Variants in CNTNAP3B observed in about 807,000 individuals in gnomAD.
CNTNAP3B encodes contactin-associated protein-like 3B.
CNTNAP3B carries 25 observed loss-of-function variants against 108.9 expected under a neutral mutation model. The ratio of observed to expected loss-of-function variants is 0.23; its 90% CI spans 0.17 to 0.32. The LOEUF (loss-of-function observed/expected upper bound fraction) is 0.32, where lower values mean the gene tolerates loss of function less well. Among genes scored for constraint, CNTNAP3B ranks in the 10% least tolerant of loss-of-function variants. The pLI is 1.00. For synonymous variants in CNTNAP3B, 103 were observed against 473.4 expected (o/e 0.22, Z 10.16); for missense variants, 252 against 1,210.4 (o/e 0.21, Z 11.75).
chr9:41,961,770 T>C (rs1780866794), intron 11 of CNTNAP3B, among the ~76,000 whole-genome samples: 1 of 152,302 alleles, frequency 6.6e-6, no homozygotes, highest in Non-Finnish European at 1.5e-5. Context: ...GAGAAACTTT[T>C]TTGAAAGATA....
At chr9:41,962,943 A>C (rs1244530858) in intron 11 of CNTNAP3B, among the ~76,000 whole-genome samples, 7 of 151,254 alleles carry the variant, frequency 4.6e-5, no homozygotes, top group Non-Finnish European at 1.0e-4. Flanking sequence ...CGACAGAGCA[A>C]GACTCCGTCT....
chr9:42,044,436 A>G (rs1350759593), intron 3 of CNTNAP3B, among the ~76,000 whole-genome samples: 2 of 144,006 alleles, frequency 1.4e-5, no homozygotes, highest in East Asian at 2.1e-4. Context: ...TTTTGGGCCT[A>G]CAAGCCTTTT....
chr9:42,117,613 G>A (rs1430529156), intron 1 of CNTNAP3B, among the ~76,000 whole-genome samples: 2 of 137,554 alleles, frequency 1.5e-5, no homozygotes, highest in Non-Finnish European at 3.1e-5. Context: ...ACAATTAAAA[G>A]AACCAGAGAA....
chr9:41,948,227 G>A (rs1357074375), intron 13 of CNTNAP3B, among the ~76,000 whole-genome samples: 2 of 143,684 alleles, frequency 1.4e-5, no homozygotes, highest in African/African-American at 2.6e-5. Context: ...GAGTAGCTGG[G>A]ATTATAGGTG....
In CNTNAP3B at chr9:41,893,864, TG is replaced by T; in HGVS notation, c.*124del. 1.1e-5 allele frequency: 1 copy of T among 90,220 alleles called. No individual in the cohort carries two copies. The highest frequency in any genetic ancestry group is 5.7e-5 in the South Asian group (1 of 17,650). 5.6% of individuals were successfully genotyped at this position (90,220 alleles called of 1,614,324 possible). A position where few individuals can be genotyped will look rare whatever the true frequency, so the allele number is the denominator to read the frequency against. On this transcript the variant is annotated 3_prime_UTR_variant, in exon 24 of 24. Coordinates refer to ENST00000377561, the MANE Select transcript of CNTNAP3B (RefSeq NM_001201380.3). ...ACTGCACCTGCTGTGTGCACCCTGA[TG>T]GCAACAGCAGGGAAGTCCACAGTCA...
intron 2 of CNTNAP3B, among the ~76,000 whole-genome samples, chr9:42,079,505 T>G (rs555248784): frequency 8.3e-6 from 1 of 120,046 alleles, no homozygotes; most frequent in Non-Finnish European, 1.7e-5. Context: ...TTTTAAGGGG[T>G]TTTGTTTTGT....
chr9:41,931,958 A>T (rs1823990907), intron 14 of CNTNAP3B, among the ~76,000 whole-genome samples: 1 of 152,150 alleles, frequency 6.6e-6, no homozygotes, highest in African/African-American at 2.4e-5. Context: ...TCCACATTTC[A>T]GTTTAATTAG....
chr9:42,088,827 G>A (rs1480838712), intron 2 of CNTNAP3B, among the ~76,000 whole-genome samples: 3 of 139,502 alleles, frequency 2.2e-5, no homozygotes, highest in Admixed American at 7.2e-5. Flanking sequence ...TGTTGCATAT[G>A]TAAATTGGCA....
At chr9:41,913,594 G>T (rs1241904481) in intron 18 of CNTNAP3B, among the ~76,000 whole-genome samples, 1 of 140,514 alleles carries the variant, frequency 7.1e-6, no homozygotes, top group Non-Finnish European at 1.5e-5. Context: ...TCACAATGTT[G>T]TGCAATTATC....
chr9:42,103,380 C>T (rs1828037100), intron 2 of CNTNAP3B, among the ~76,000 whole-genome samples: 3 of 138,480 alleles, frequency 2.2e-5, no homozygotes, highest in Non-Finnish European at 1.5e-5. Flanking sequence ...ATTAAATGTG[C>T]TCAAATACAG....
At chr9:41,938,799 T>A (rs1356616612) in intron 13 of CNTNAP3B, among the ~76,000 whole-genome samples, 7 of 152,292 alleles carry the variant, frequency 4.6e-5, no homozygotes, top group Non-Finnish European at 1.0e-4. Flanking sequence ...ACAAAGACAT[T>A]GATTTATCTC....
chr9:42,125,412 C>G lies in CNTNAP3B; in HGVS notation c.85+3598G>C, dbSNP rs542311273. ...TCCTTACCCTGCTGGTTTCTGAATG[C>G]TCTGCCATGGTCCTGGGCCTCCCCA... On this transcript the variant is annotated intron_variant, in intron 1 of 23. Coordinates refer to ENST00000377561, the MANE Select transcript of CNTNAP3B (RefSeq NM_001201380.3). Among the ~76,000 whole-genome samples the G allele has an allele frequency of 1.7e-3, 239 of 142,006 alleles. 4 individuals are homozygous for G. Among genetic ancestry groups the G allele is most frequent in the Admixed American group, 2.8e-3 (40 of 14,386 alleles). The allele number at this position is 142,006 out of a possible 152,430, so 93.2% of individuals were successfully genotyped here. A position where few individuals can be genotyped will look rare whatever the true frequency, so the allele number is the denominator to read the frequency against.
intron 14 of CNTNAP3B, among the ~76,000 whole-genome samples, chr9:41,936,116 C>G (rs1292293947): frequency 6.6e-6 from 1 of 152,300 alleles, no homozygotes; most frequent in African/African-American, 2.4e-5. Flanking sequence ...CCAGTCTCTA[C>G]TAAAAATACA....
At chr9:42,119,514 A>G (rs879361147) in intron 1 of CNTNAP3B, among the ~76,000 whole-genome samples, 1,441 of 123,902 alleles carry the variant, frequency 0.012, 95 homozygotes, top group South Asian at 0.049. Context: ...AAGAGCCCGC[A>G]TTGCCAAGTC....
intron 14 of CNTNAP3B, among the ~76,000 whole-genome samples, chr9:41,935,169 TC>T (rs1476306698): frequency 5.4e-3 from 818 of 152,096 alleles, no homozygotes; most frequent in African/African-American, 0.019. Context: ...TTATAATAAA[TC>T]TTTGGCATGT....
intron 14 of CNTNAP3B, among the ~76,000 whole-genome samples, chr9:41,937,146 G>A (rs1374386588): frequency 4.7e-5 from 3 of 63,662 alleles, no homozygotes; most frequent in Non-Finnish European, 1.1e-4. Flanking sequence ...TTATTATTTT[G>A]AGGTGGAGTC....
At chr9:41,952,462 G>A (rs1824717591) in intron 13 of CNTNAP3B, among the ~76,000 whole-genome samples, 1 of 152,250 alleles carries the variant, frequency 6.6e-6, no homozygotes, top group Admixed American at 6.5e-5. Flanking sequence ...TAGCAATAAA[G>A]TGCTTTCAAG....
At position 41,953,256 on chromosome 9, in the gene CNTNAP3B, C is replaced by A; in HGVS notation, c.2007G>T (p.Ala669=). 3 of 1,526,448 alleles carry A rather than the reference C, an allele frequency of 2.0e-6. No individual in the cohort carries two copies. The highest frequency in any genetic ancestry group is 2.1e-5 in the Admixed American group (1 of 48,206). The allele number at this position is 1,526,448 out of a possible 1,614,324, so 94.6% of individuals were successfully genotyped here. ...YAAGAGQLRA[A]VNLAERCEQR... is the part of the protein sequence containing the mutation. ...GCTCGCAGCGCTCCGCCAGGTTCAC[C>A]GCGGCCCGCAGCTGCCCCGCGCCCG... The change falls in exon 13 of 24, where the codon GCG becomes GCT. Residue 669 remains alanine (A), a synonymous_variant. Transcript: ENST00000377561.
chr9:41,934,112 T>TATATATATAC (rs1824070637), intron 14 of CNTNAP3B, among the ~76,000 whole-genome samples: 3 of 126,348 alleles, frequency 2.4e-5, no homozygotes, highest in Admixed American at 1.7e-4. Flanking sequence ...TATATATATA[T>TATATATATAC]ATATATATAT....
Sources: gnomAD v4.1 joint callset for allele counts (sites outside exome capture counted in the v4.1 genomes callset) on GRCh38, gnomAD v4.1.1 for gene constraint, MANE v1.5 for transcripts, NCBI Gene and HGNC (gene_info 2026-07-23, HGNC 2026-07-21) for gene names.